DPP6: variants seen among roughly 807,000 people sequenced by gnomAD.
The protein encoded by DPP6 is dipeptidyl peptidase like 6.
DPP6 carries 69 observed loss-of-function variants against 122.6 expected under a neutral mutation model. That is an observed-to-expected ratio of 0.56 (90% CI 0.46 to 0.69). The LOEUF (loss-of-function observed/expected upper bound fraction) is 0.69, where lower values mean the gene tolerates loss of function less well. DPP6 is among the 30% of genes least tolerant of loss of function. DPP6 has a pLI of 0.00. For synonymous variants in DPP6, 418 were observed against 433.1 expected (o/e 0.97, Z 0.43); for missense variants, 928 against 1,116.9 (o/e 0.83, Z 2.41).
intron 1 of DPP6, among the ~76,000 whole-genome samples, chr7:154,256,998 C>CTTCTT (rs562909695): frequency 1.1e-4 from 14 of 132,858 alleles, no homozygotes; most frequent in South Asian, 2.4e-4. Context: ...TCTTCTTCTT[C>CTTCTT]TTTTTTTTTT....
intron 1 of DPP6, among the ~76,000 whole-genome samples, chr7:154,237,203 T>C (rs1801275325): frequency 1.3e-5 from 2 of 152,210 alleles, no homozygotes; most frequent in Non-Finnish European, 1.5e-5. Flanking sequence ...CTATAGTCCT[T>C]AAACCTGCCT....
At chr7:154,835,593 T>C (rs1391940790) in intron 16 of DPP6, among the ~76,000 whole-genome samples, 1 of 152,180 alleles carries the variant, frequency 6.6e-6, no homozygotes, top group Non-Finnish European at 1.5e-5. Flanking sequence ...TTTTGGTGGC[T>C]GGATTTTGTT....
At chr7:154,373,881 T>C (rs1304314949) in intron 1 of DPP6, among the ~76,000 whole-genome samples, 5 of 152,168 alleles carry the variant, frequency 3.3e-5, no homozygotes, top group Non-Finnish European at 7.3e-5. Flanking sequence ...AATCTGATGG[T>C]ATTTGTCCTT....
At chr7:153,929,427 A>T (rs1378448274) in intron 1 of DPP6, among the ~76,000 whole-genome samples, 1 of 152,000 alleles carries the variant, frequency 6.6e-6, no homozygotes, top group Non-Finnish European at 1.5e-5. Flanking sequence ...TGTTTTGCAG[A>T]TGTTGGGTTT....
At chr7:154,406,974 T>C (rs1018938190) in intron 1 of DPP6, among the ~76,000 whole-genome samples, 2 of 152,150 alleles carry the variant, frequency 1.3e-5, no homozygotes, top group African/African-American at 4.8e-5. Context: ...CACTAATAGC[T>C]CAGGCAAACA....
intron 1 of DPP6, among the ~76,000 whole-genome samples, chr7:153,923,251 T>C (rs1800727084): frequency 6.6e-6 from 1 of 152,184 alleles, no homozygotes; most frequent in Non-Finnish European, 1.5e-5. Context: ...TAGAAAGACC[T>C]GTTTCCTAAG....
At chr7:154,883,349 TACACACACATGCTCAC>T (rs1805601350) in intron 21 of DPP6, among the ~76,000 whole-genome samples, 1 of 109,822 alleles carries the variant, frequency 9.1e-6, no homozygotes, top group Non-Finnish European at 1.8e-5. Context: ...CACACGCTCA[TACACACACATGCTCAC>T]ACACACGATT....
chr7:154,049,975 C>T (rs1240497545), upstream of DPP6, among the ~76,000 whole-genome samples: 2 of 152,142 alleles, frequency 1.3e-5, no homozygotes, highest in Non-Finnish European at 2.9e-5. Context: ...GGGTAAAGGG[C>T]GCTCCATCTG....
intron 8 of DPP6, among the ~76,000 whole-genome samples, chr7:154,729,658 G>C (rs1470120078): frequency 6.6e-6 from 1 of 152,130 alleles, no homozygotes; most frequent in East Asian, 1.9e-4. Flanking sequence ...GGTCCTGGGG[G>C]CTAAGCAGCC....
chr7:153,829,709 T>C, the DPP6 span, among the ~76,000 whole-genome samples: 8 of 152,328 alleles, frequency 5.3e-5, no homozygotes, highest in African/African-American at 1.7e-4. Flanking sequence ...GCATACCAGC[T>C]TTGGGTGGAC....
the DPP6 span, among the ~76,000 whole-genome samples, chr7:153,843,693 G>A: frequency 2.0e-5 from 3 of 152,208 alleles, no homozygotes; most frequent in Non-Finnish European, 4.4e-5. Context: ...CAGAAGTACA[G>A]TATGCAGAGA....
intron 5 of DPP6, among the ~76,000 whole-genome samples, chr7:154,586,968 G>A (rs531970255): frequency 1.4e-4 from 21 of 152,254 alleles, no homozygotes; most frequent in Middle Eastern, 3.4e-3. Flanking sequence ...GCAAATATTC[G>A]TTGGATAAAT....
At chr7:154,759,313 T>G (rs142893393) in intron 8 of DPP6, among the ~76,000 whole-genome samples, 2 of 152,214 alleles carry the variant, frequency 1.3e-5, no homozygotes, top group African/African-American at 4.8e-5. Flanking sequence ...AAATGCCTCC[T>G]TCACATCAGC....
chr7:153,941,597 G>T (rs1801700951), intron 1 of DPP6, among the ~76,000 whole-genome samples: 1 of 152,214 alleles, frequency 6.6e-6, no homozygotes, highest in Non-Finnish European at 1.5e-5. Flanking sequence ...GGAAACAGGA[G>T]GTGACTGCAT....
At chr7:153,749,432 G>T in the DPP6 span, among the ~76,000 whole-genome samples, 11 of 152,218 alleles carry the variant, frequency 7.2e-5, no homozygotes, top group East Asian at 2.1e-3. This position sits in a 1 kb window ranked among gnomAD's most constrained non-coding sequence, Gnocchi z 4.1. Context: ...TTCCCGGGAA[G>T]CGCGCGCGGG....
chr7:153,804,386 A>C, the DPP6 span, among the ~76,000 whole-genome samples: 1 of 152,000 alleles, frequency 6.6e-6, no homozygotes, highest in Non-Finnish European at 1.5e-5. Flanking sequence ...TGCTCTACTC[A>C]TGGTACCGTC....
At chr7:154,573,205 C>T (rs991745060) in intron 5 of DPP6, among the ~76,000 whole-genome samples, 8 of 152,108 alleles carry the variant, frequency 5.3e-5, no homozygotes, top group Non-Finnish European at 1.2e-4. Flanking sequence ...TTGATCCAAG[C>T]GTTTTCTGCT....
In DPP6 at chr7:154,275,341, T is replaced by C. The variant is rs1275651481; in HGVS notation, c.244-170873T>C. On this transcript the variant is annotated intron_variant, in intron 1 of 25. Transcript: ENST00000377770. ...CCATGGGTTTCCCTTGAAACACATCTTATAAAATCACTTACCTAGAATACA... is the reference window on the plus strand; with the variant it reads ...CCATGGGTTTCCCTTGAAACACATCCTATAAAATCACTTACCTAGAATACA... Among the ~76,000 whole-genome samples the C allele has an allele frequency of 5.3e-5, 8 of 152,308 alleles. 1 individual carries two copies. In the South Asian group the frequency reaches 6.2e-4, roughly 12 times the overall value.
At chr7:154,092,342 A>G (rs979994638) in intron 1 of DPP6, 3 of 152,116 alleles carry the variant, frequency 2.0e-5, no homozygotes, top group Non-Finnish European at 4.4e-5. Flanking sequence ...CCTGGCATCA[A>G]CATTCCAGTT....
Sources: allele counts gnomAD v4.1 joint callset (sites outside exome capture counted in the v4.1 genomes callset), GRCh38; gene constraint gnomAD v4.1.1; non-coding constraint Gnocchi (gnomAD v3.1); transcripts MANE v1.5; gene names NCBI Gene and HGNC (gene_info 2026-07-23, HGNC 2026-07-21).